The following FAM20B variants were observed in gnomAD, a reference collection of about 807,000 sequenced individuals.
FAM20B encodes FAM20B glycosaminoglycan xylosylkinase.
In FAM20B, 23 loss-of-function variants were observed where a neutral mutation model predicts 43.8. That is an observed-to-expected ratio of 0.53 (90% CI 0.38 to 0.74). FAM20B has a LOEUF of 0.74. Ranked by LOEUF, FAM20B falls within the 30% of genes least tolerant of loss-of-function variation. FAM20B has a pLI of 0.00. For synonymous variants in FAM20B, 178 were observed against 192.4 expected (o/e 0.93, Z 0.62); for missense variants, 440 against 510.5 (o/e 0.86, Z 1.33).
intron 2 of FAM20B, among the ~76,000 whole-genome samples, chr1:179,048,415 A>G (rs529582717): frequency 3.3e-5 from 5 of 152,014 alleles, no homozygotes; most frequent in African/African-American, 9.7e-5. Flanking sequence ...TCTCCTGCCC[A>G]CTCCCAAAGT....
chr1:179,063,338 C>G (rs937067506), intron 4 of FAM20B, among the ~76,000 whole-genome samples: 16 of 152,246 alleles, frequency 1.1e-4, no homozygotes, highest in African/African-American at 3.9e-4. Context: ...ATAATCCCAG[C>G]ATTTTGAGAG....
upstream of FAM20B, among the ~76,000 whole-genome samples, chr1:179,023,491 T>C (rs1481817609): frequency 1.3e-5 from 2 of 152,202 alleles, no homozygotes; most frequent in East Asian, 1.9e-4. Flanking sequence ...ACCTCCTTAA[T>C]TGGGGTTCCT....
intron 1 of FAM20B, among the ~76,000 whole-genome samples, chr1:179,029,481 C>T (rs1363188275): frequency 6.6e-6 from 1 of 152,198 alleles, no homozygotes; most frequent in Non-Finnish European, 1.5e-5. Flanking sequence ...AGAAGAAATG[C>T]CTAGCTTGGG....
intron 1 of FAM20B, among the ~76,000 whole-genome samples, chr1:179,036,391 G>T (rs1044180578): frequency 6.6e-6 from 1 of 152,088 alleles, no homozygotes; most frequent in Non-Finnish European, 1.5e-5. Context: ...TTTCTGTTCT[G>T]CATAACAGAA....
intron 2 of FAM20B, among the ~76,000 whole-genome samples, chr1:179,044,454 T>TC (rs1206573175): frequency 6.6e-6 from 1 of 152,234 alleles, no homozygotes; most frequent in African/African-American, 2.4e-5. Context: ...TACTCATTTT[T>TC]CCCTCTCTGC....
At position 179,076,122 on chromosome 1, in the gene FAM20B, G is replaced by C. The variant is rs1652119068; in HGVS notation, c.*3978G>C. 6.6e-6 allele frequency: 1 copy of C among 152,198 alleles called. No homozygotes were observed. The highest frequency in any genetic ancestry group is 1.5e-5 in the Non-Finnish European group (1 of 68,038). 9.4% of individuals were successfully genotyped at this position (152,198 alleles called of 1,614,324 possible). ...TAATTAACATAAAGACCATTCATCA[G>C]CGAATAACTACTGAGCAACTCTAGT... On this transcript the variant is annotated 3_prime_UTR_variant, in exon 8 of 8. Transcript: ENST00000263733.
intron 1 of FAM20B, among the ~76,000 whole-genome samples, chr1:179,031,383 T>C (rs1228878094): frequency 2.6e-5 from 4 of 152,240 alleles, no homozygotes; most frequent in African/African-American, 9.6e-5. Context: ...CAGAACTCGC[T>C]AGCAGTATGA....
intron 4 of FAM20B, among the ~76,000 whole-genome samples, chr1:179,057,776 G>T (rs1265381748): frequency 7.0e-6 from 1 of 142,300 alleles, no homozygotes; most frequent in Admixed American, 7.1e-5. Flanking sequence ...TATCTTCAAG[G>T]ATCTTTGTCT....
chr1:179,063,931 C>T lies in FAM20B; in HGVS notation c.579C>T (p.Asn193=). 1.2e-6 allele frequency: 2 copies of T among 1,603,966 alleles called. No individual in the cohort carries two copies. The highest frequency in any genetic ancestry group is 1.7e-6 in the Non-Finnish European group (2 of 1,174,512). Residue 193 remains asparagine (N), a synonymous_variant, in exon 5 of 8, where the codon AAC becomes AAT. Coordinates refer to ENST00000263733, the MANE Select transcript of FAM20B (RefSeq NM_014864.4). ...QLLSTFLTVG[N]NTCFYGKCYY... ...TGGCTCCTTTCTGTCCTTTAGGAAACAATACTTGTTTTTATGGGAAGTGCT... is the reference window on the plus strand; with the variant it reads ...TGGCTCCTTTCTGTCCTTTAGGAAATAATACTTGTTTTTATGGGAAGTGCT...
At chr1:179,025,674 C>CAGGGCGGCGCGGCCGGCAGG (rs1322818695), upstream of FAM20B, 1 of 152,468 alleles carries the variant, frequency 6.6e-6, no homozygotes, top group Admixed American at 6.5e-5. Context: ...TGTAAGCGGG[C>CAGGGCGGCGCGGCCGGCAGG]AGGGCGGCGC....
chr1:179,064,216 C>T (rs2102521826), intron 5 of FAM20B, 89 bp from the exon 6 acceptor site: 4 of 1,421,766 alleles, frequency 2.8e-6, no homozygotes, highest in South Asian at 2.6e-5. Context: ...CAGGGGCAAA[C>T]CGGTAGGTAG....
At chr1:179,053,371 G>C (rs1356419416) in intron 3 of FAM20B, among the ~76,000 whole-genome samples, 1 of 152,160 alleles carries the variant, frequency 6.6e-6, no homozygotes, top group African/African-American at 2.4e-5. Flanking sequence ...AGGAGTTCCA[G>C]GCTGCAGGGA....
chr1:179,035,197 C>T (rs1230086547), intron 1 of FAM20B: 4 of 411,524 alleles, frequency 9.7e-6, no homozygotes, highest in Non-Finnish European at 1.8e-5. Flanking sequence ...CACCAACATG[C>T]TTTTCTGTAA....
the FAM20B span, among the ~76,000 whole-genome samples, chr1:179,020,154 T>TACACAC: frequency 5.0e-4 from 75 of 148,714 alleles, no homozygotes; most frequent in African/African-American, 1.4e-3. Flanking sequence ...TGTGTGTGTA[T>TACACAC]ACACACACAC....
chr1:179,031,433 T>A (rs1319498509), intron 1 of FAM20B, among the ~76,000 whole-genome samples: 4 of 152,226 alleles, frequency 2.6e-5, no homozygotes, highest in Non-Finnish European at 5.9e-5. Context: ...AGGAAGAGGG[T>A]TGCCCTAAAT....
intron 1 of FAM20B, among the ~76,000 whole-genome samples, chr1:179,031,175 G>T (rs1453964196): frequency 6.6e-6 from 1 of 152,176 alleles, no homozygotes; most frequent in Non-Finnish European, 1.5e-5. Flanking sequence ...TATAATATTT[G>T]TAATGCCGTA....
At chr1:179,029,356 T>C (rs1649916701) in intron 1 of FAM20B, among the ~76,000 whole-genome samples, 1 of 152,248 alleles carries the variant, frequency 6.6e-6, no homozygotes, top group African/African-American at 2.4e-5. Flanking sequence ...CTTACTTTGC[T>C]ATTGAAACCA....
intron 4 of FAM20B, among the ~76,000 whole-genome samples, chr1:179,056,712 A>G (rs2102513190): frequency 6.6e-6 from 1 of 152,312 alleles, no homozygotes; most frequent in East Asian, 1.9e-4. Flanking sequence ...AAACTGCCAA[A>G]TTGTCTTCCA....
At chr1:179,063,903 A>C in intron 4 of FAM20B, 24 bp from the exon 5 acceptor site, 1 of 1,570,328 alleles carries the variant, frequency 6.4e-7, no homozygotes, top group Non-Finnish European at 8.7e-7. Context: ...CCTTAAGTGT[A>C]TTTGGCTCCT....
Sources: allele counts gnomAD v4.1 joint callset (sites outside exome capture counted in the v4.1 genomes callset), GRCh38; gene constraint gnomAD v4.1.1; transcripts MANE v1.5; gene names NCBI Gene and HGNC (gene_info 2026-07-23, HGNC 2026-07-21).